CPA6: variants seen among roughly 807,000 people sequenced by gnomAD.
CPA6 encodes the protein carboxypeptidase B.
CPA6 carries 58 observed loss-of-function variants against 63.3 expected under a neutral mutation model. The ratio of observed to expected loss-of-function variants is 0.92; its 90% CI spans 0.74 to 1.14. CPA6 has a LOEUF of 1.14. Among genes scored for constraint, CPA6 ranks in the 50% most tolerant of loss-of-function variants. CPA6 has a pLI of 0.00. For missense variants in CPA6, 565 were observed against 526.6 expected (o/e 1.07, Z -0.71); for synonymous variants, 185 against 179.0 (o/e 1.03, Z -0.27).
At chr8:67,702,054 G>T (rs778504716) in intron 1 of CPA6, among the ~76,000 whole-genome samples, 5 of 152,076 alleles carry the variant, frequency 3.3e-5, no homozygotes, top group Non-Finnish European at 4.4e-5. Context: ...AAGAATAATT[G>T]ATTGCAGCTG....
intron 2 of CPA6, among the ~76,000 whole-genome samples, chr8:67,590,567 T>C: frequency 6.6e-6 from 1 of 152,138 alleles, no homozygotes; most frequent in East Asian, 1.9e-4. Context: ...TCCTGACTTT[T>C]TAATGATTGC....
At chr8:67,436,560 G>C (rs1007477969) in intron 8 of CPA6, among the ~76,000 whole-genome samples, 2 of 152,094 alleles carry the variant, frequency 1.3e-5, no homozygotes, top group African/African-American at 4.8e-5. Flanking sequence ...TATGCTTTTA[G>C]AACAGCGCTA....
chr8:67,511,441 C>G, intron 4 of CPA6, 100 bp downstream of exon 4: 1 of 704,920 alleles, frequency 1.4e-6, no homozygotes, highest in Non-Finnish European at 2.5e-6. Flanking sequence ...TGTCTTTATG[C>G]TTCTCCCCTA....
rs1162368107 is a variant in CPA6, at chr8:67,434,086, C to G, written c.993G>C (p.Leu331=). ...TTGCATATTTGTAAGAATAGGGATA[C>G]AGTAACATCTGAGCATATGCATGAA... ...LSFHAYAQML[L]YPYSYKYATI... The change falls in exon 9 of 11, where the codon CTG becomes CTC. Residue 331 remains leucine (L), a synonymous_variant. Transcript: ENST00000297770. 1.2e-6 allele frequency: 2 copies of G among 1,613,692 alleles called. No individual in the cohort carries two copies. The highest frequency in any genetic ancestry group is 8.5e-7 in the Non-Finnish European group (1 of 1,179,866).
At chr8:67,486,593 G>A (rs1005470369) in intron 6 of CPA6, among the ~76,000 whole-genome samples, 16 of 152,146 alleles carry the variant, frequency 1.1e-4, no homozygotes, top group Admixed American at 6.5e-5. Flanking sequence ...TGAGCTAAGT[G>A]TATGATTTTC....
At chr8:67,701,589 C>T (rs1817025908) in intron 1 of CPA6, among the ~76,000 whole-genome samples, 1 of 152,174 alleles carries the variant, frequency 6.6e-6, no homozygotes, top group South Asian at 2.1e-4. Context: ...TTTTGCTAAA[C>T]TGCATCTAAC....
At chr8:67,503,098 G>A (rs1440910143) in intron 6 of CPA6, among the ~76,000 whole-genome samples, 1 of 151,892 alleles carries the variant, frequency 6.6e-6, no homozygotes, top group Non-Finnish European at 1.5e-5. Flanking sequence ...GAGTGTAGTG[G>A]CATGATCCTG....
intron 2 of CPA6, among the ~76,000 whole-genome samples, chr8:67,560,618 G>C (rs1813185921): frequency 1.3e-5 from 2 of 152,144 alleles, no homozygotes; most frequent in South Asian, 4.1e-4. Flanking sequence ...TCTAGAAGTG[G>C]CTGGAAAAGG....
chr8:67,475,280 G>A (rs1441361606), intron 8 of CPA6, among the ~76,000 whole-genome samples: 1 of 152,168 alleles, frequency 6.6e-6, no homozygotes, highest in East Asian at 1.9e-4. Context: ...CTATGATGAG[G>A]ATAAAAGGCC....
rs1817100675 is a variant in CPA6, at chr8:67,704,930, C to T, written c.116+41084G>A. On this transcript the variant is annotated intron_variant, in intron 1 of 10. Transcript: ENST00000297770. ...TAAAAGTCGGCCTTAGAAACCAGTG[C>T]CCCTATGATGGAAATCCTCAAGTTA... 2.0e-5 allele frequency among the ~76,000 whole-genome samples: 3 copies of T among 152,108 alleles called. No individual in the cohort carries two copies. In the South Asian group the frequency reaches 6.2e-4, roughly 32 times the overall value.
chr8:67,665,469 A>C (rs1461074914), intron 1 of CPA6, among the ~76,000 whole-genome samples: 1 of 152,216 alleles, frequency 6.6e-6, no homozygotes, highest in Non-Finnish European at 1.5e-5. Flanking sequence ...ACAAGAACTG[A>C]AAACAAAAGA....
Position 67,541,939 on chromosome 8 carries a change from A to T in CPA6, c.193-23892T>A, listed in dbSNP as rs534720524. Among the ~76,000 whole-genome samples the T allele has an allele frequency of 2.0e-5, 3 of 152,346 alleles. No individual in the cohort carries two copies. The East Asian group carries it at 5.8e-4, about 29-fold the overall frequency. On this transcript the variant is annotated intron_variant, in intron 2 of 10. Coordinates refer to ENST00000297770, the MANE Select transcript of CPA6 (RefSeq NM_020361.5). ...GGAGCTGCGGACGAGAGCTGTTCCT[A>T]TTTGGGCATCTTGCCCGGGTTGATC...
intron 2 of CPA6, among the ~76,000 whole-genome samples, chr8:67,527,645 A>G (rs953781495): frequency 6.6e-6 from 1 of 152,224 alleles, no homozygotes; most frequent in African/African-American, 2.4e-5. Context: ...AAGTTCACCC[A>G]TATTTTTCTC....
chr8:67,508,416 G>A (rs1323599666), intron 5 of CPA6, among the ~76,000 whole-genome samples: 1 of 152,040 alleles, frequency 6.6e-6, no homozygotes, highest in Non-Finnish European at 1.5e-5. Context: ...AGGCAATGGT[G>A]GGTGAATTTA....
intron 8 of CPA6, among the ~76,000 whole-genome samples, chr8:67,457,243 T>C (rs907289516): frequency 2.0e-5 from 3 of 152,238 alleles, no homozygotes; most frequent in Non-Finnish European, 4.4e-5. Flanking sequence ...GCAGGAATTA[T>C]GTGCTTTTCA....
At chr8:67,530,253 G>A (rs1273251696) in intron 2 of CPA6, among the ~76,000 whole-genome samples, 2 of 149,914 alleles carry the variant, frequency 1.3e-5, no homozygotes, top group East Asian at 3.9e-4. Flanking sequence ...TCCCACATCT[G>A]ATAAATTAAA....
chr8:67,716,151 CAAAAAAAA>C (rs56275918), intron 1 of CPA6, among the ~76,000 whole-genome samples: 71 of 76,544 alleles, frequency 9.3e-4, no homozygotes, highest in African/African-American at 3.8e-3. Flanking sequence ...GAGCTTGTCT[CAAAAAAAA>C]AAAAAAAAAA....
chr8:67,662,058 C>T (rs1816121411), intron 1 of CPA6, among the ~76,000 whole-genome samples: 1 of 152,162 alleles, frequency 6.6e-6, no homozygotes, highest in Non-Finnish European at 1.5e-5. Context: ...CATTCACCAC[C>T]ACCCCCTCCT....
intron 8 of CPA6, among the ~76,000 whole-genome samples, chr8:67,448,131 C>A (rs1027368202): frequency 3.3e-5 from 5 of 152,146 alleles, no homozygotes; most frequent in Non-Finnish European, 7.4e-5. Flanking sequence ...TACTTTAGAC[C>A]GGACTCTTTG....
Sources: gnomAD v4.1 joint callset for allele counts (sites outside exome capture counted in the v4.1 genomes callset) on GRCh38, gnomAD v4.1.1 for gene constraint, MANE v1.5 for transcripts, NCBI Gene and HGNC (gene_info 2026-07-23, HGNC 2026-07-21) for gene names.